Variants in H2BC17 observed in about 807,000 individuals in gnomAD.
The protein encoded by H2BC17 is H2B clustered histone 17, also known as histone H2B type 1-O.
A neutral mutation model predicts 6.1 loss-of-function variants in H2BC17; 11 were observed. The observed-to-expected ratio is 1.79, with a 90% CI of 1.13 to 2.97. The LOEUF is 2.97. Among genes scored for constraint, H2BC17 ranks in the 30% most tolerant of loss-of-function variants. The probability of loss-of-function intolerance (pLI) is 0.00; values close to 1 mark genes in which losing one functional copy is unlikely to be tolerated. For missense variants in H2BC17, 171 were observed against 171.6 expected, an observed-to-expected ratio of 1.00 and a Z score of 0.02; for synonymous variants, 103 against 74.5, an observed-to-expected ratio of 1.38 and a Z score of -1.97.
chr6:27,893,491 C>G lies in H2BC17; in HGVS notation c.29C>G (p.Ala10Gly). Residue 10 changes from alanine to glycine, a missense_variant, in exon 1 of 1, where the codon GCC (alanine) becomes GGC (glycine). Coordinates refer to ENST00000616182, the MANE Select transcript of H2BC17 (RefSeq NM_003527.4). MPDPAKSAP[A>G]PKKGSKKAVT... ...CCCGACCCGGCTAAATCTGCTCCTG[C>G]CCCCAAAAAGGGCTCCAAGAAAGCC... 2 of 1,611,168 alleles carry G rather than the reference C, an allele frequency of 1.2e-6. No individual in the cohort carries two copies. The highest frequency in any genetic ancestry group is 1.7e-5 in the Admixed American group (1 of 59,590).
rs756660759 is a variant in H2BC17 at position 27,893,767 on chromosome 6, T to C, written c.305T>C (p.Leu102Pro). ...GAGATCCAGACGGCCGTGCGCCTGC[T>C]GCTGCCCGGGGAGCTGGCCAAGCAC... ...SREIQTAVRL[L>P]LPGELAKHAV... Residue 102 changes from leucine to proline, a missense_variant, in exon 1 of 1, where the codon CTG becomes CCG. Leu to Pro is a moderately conservative substitution (Grantham distance 98). Coordinates refer to ENST00000616182, the MANE Select transcript of H2BC17 (RefSeq NM_003527.4). 1.2e-6 allele frequency: 2 copies of C among 1,614,250 alleles called. No individual in the cohort carries two copies. Among genetic ancestry groups the C allele is most frequent in the East Asian group, 4.5e-5 (2 of 44,886 alleles).
In H2BC17 at chr6:27,893,606, A is replaced by G. The variant is rs765125025; in HGVS notation, c.144A>G (p.Gln48=). The change falls in exon 1 of 1, where the codon CAA becomes CAG. Residue 48 remains glutamine, a synonymous_variant. Coordinates refer to ENST00000616182, the MANE Select transcript of H2BC17 (RefSeq NM_003527.4). ...YSIYVYKVLK[Q]VHPDTGISSK... The stretch of plus-strand genomic sequence containing the variant: ...TCTACGTGTACAAGGTGCTGAAGCA[A>G]GTCCACCCCGACACCGGCATCTCAT... The G allele has an allele frequency of 6.2e-7, 1 of 1,614,114 alleles. No individual in the cohort carries two copies. The highest frequency in any genetic ancestry group is 8.5e-7 in the Non-Finnish European group (1 of 1,180,046).
rs567295334 is a variant in H2BC17, at chr6:27,893,461, C to T, written c.-2C>T. On this transcript the variant is annotated 5_prime_UTR_variant, in exon 1 of 1. Coordinates refer to ENST00000616182, the MANE Select transcript of H2BC17 (RefSeq NM_003527.4). ...TTGAGTGCTCTTTCACTCTCCTCCG[C>T]CATGCCCGACCCGGCTAAATCTGCT... 2 of 1,599,198 alleles carry T rather than the reference C, an allele frequency of 1.3e-6. No individual in the cohort carries two copies. Among genetic ancestry groups the T allele is most frequent in the Admixed American group, 1.7e-5 (1 of 58,004 alleles).
At position 27,893,617 on chromosome 6, in the gene H2BC17, A is replaced by T; in HGVS notation, c.155A>T (p.Asp52Val). 6.2e-7 allele frequency: 1 copy of T among 1,614,228 alleles called. No homozygotes were observed. Among genetic ancestry groups the T allele is most frequent in the African/African-American group, 1.3e-5 (1 of 75,054 alleles). The change falls in exon 1 of 1, where the codon GAC becomes GTC. Residue 52 changes from aspartate to valine, a missense_variant. Asp to Val is a radical substitution (Grantham distance 152). Transcript: ENST00000616182. ...AAGGTGCTGAAGCAAGTCCACCCCG[A>T]CACCGGCATCTCATCGAAGGCCATG... is the stretch of plus-strand genomic sequence containing the variant. ...VYKVLKQVHPDTGISSKAMGI... is the reference protein window; with the variant it reads ...VYKVLKQVHPVTGISSKAMGI...
Position 27,893,757 on chromosome 6 carries a change from G to A in H2BC17, c.295G>A (p.Val99Met). ...TITSREIQTA[V>M]RLLLPGELAK... ...CACCTCCAGGGAGATCCAGACGGCC[G>A]TGCGCCTGCTGCTGCCCGGGGAGCT... Residue 99 changes from valine to methionine, a missense_variant, in exon 1 of 1, where the codon GTG (valine) becomes ATG (methionine). Transcript: ENST00000616182. 6.2e-7 allele frequency: 1 copy of A among 1,614,258 alleles called. No homozygotes were observed. The highest frequency in any genetic ancestry group is 1.1e-5 in the South Asian group (1 of 91,092).
Position 27,893,781 on chromosome 6 carries a change from C to G in H2BC17, c.319C>G (p.Leu107Val), listed in dbSNP as rs565479130. 4.3e-6 allele frequency: 7 copies of G among 1,614,242 alleles called. No homozygotes were observed. In the East Asian group the frequency reaches 6.7e-5, roughly 15 times the overall value. ...CGTGCGCCTGCTGCTGCCCGGGGAG[C>G]TGGCCAAGCACGCCGTGTCCGAGGG... ...TAVRLLLPGE[L>V]AKHAVSEGTK... The change falls in exon 1 of 1, where the codon CTG becomes GTG. Residue 107 changes from leucine to valine, a missense_variant. By Grantham distance (32) the Leu-to-Val change is conservative. Coordinates refer to ENST00000616182, the MANE Select transcript of H2BC17 (RefSeq NM_003527.4).
Position 27,893,577 on chromosome 6 carries a change from TC to T in H2BC17, c.116del (p.Ser39LeufsTer8). ...KRKRSRKESY[S>X]IYVYKVLKQV... is the part of the protein sequence containing the mutation. ...CAAGCGCAGCCGCAAAGAGAGTTAC[TC>T]TATCTACGTGTACAAGGTGCTGAAG... On this transcript the variant is annotated frameshift_variant, in exon 1 of 1. Transcript: ENST00000616182. LOFTEE classifies it high-confidence loss of function. 6.2e-7 allele frequency: 1 copy of T among 1,613,466 alleles called. No homozygotes were observed. The highest frequency in any genetic ancestry group is 1.3e-5 in the African/African-American group (1 of 75,032).
In H2BC17 at chr6:27,893,503, G is replaced by T. The variant is rs1271200725; in HGVS notation, c.41G>T (p.Gly14Val). 2 of 1,612,880 alleles carry T rather than the reference G, an allele frequency of 1.2e-6. No individual in the cohort carries two copies. The highest frequency in any genetic ancestry group is 3.3e-5 in the Admixed American group (2 of 59,780). ...AAATCTGCTCCTGCCCCCAAAAAGG[G>T]CTCCAAGAAAGCCGTAACCAAGGCC... Reference protein sequence around the residue: ...PAKSAPAPKKGSKKAVTKAQK... With the variant: ...PAKSAPAPKKVSKKAVTKAQK... The change falls in exon 1 of 1, where the codon GGC becomes GTC. Residue 14 changes from glycine to valine, a missense_variant. By Grantham distance (109) the Gly-to-Val change is moderately radical. Transcript: ENST00000616182.
In H2BC17 at chr6:27,893,488, C is replaced by T. The variant is rs1761937839; in HGVS notation, c.26C>T (p.Pro9Leu). Residue 9 changes from proline (P) to leucine (L), a missense_variant, in exon 1 of 1, where the codon CCT becomes CTT. Coordinates refer to ENST00000616182, the MANE Select transcript of H2BC17 (RefSeq NM_003527.4). ...ATGCCCGACCCGGCTAAATCTGCTC[C>T]TGCCCCCAAAAAGGGCTCCAAGAAA... MPDPAKSA[P>L]APKKGSKKAV... 1.9e-6 allele frequency: 3 copies of T among 1,611,156 alleles called. No homozygotes were observed. The highest frequency in any genetic ancestry group is 1.7e-4 in the Middle Eastern group (1 of 6,044).
Position 27,893,844 on chromosome 6 carries a change from GCT to G in H2BC17, c.*5_*6del, listed in dbSNP as rs745976209. ...CACCAAGTACACCAGCTCCAAGTGA[GCT>G]CTCGCAGCTGCCAGCAATCCAAAGG... On this transcript the variant is annotated 3_prime_UTR_variant, in exon 1 of 1. Transcript: ENST00000616182. The G allele has an allele frequency of 3.7e-6, 6 of 1,614,186 alleles. No homozygotes were observed. The highest frequency in any genetic ancestry group is 5.1e-6 in the Non-Finnish European group (6 of 1,180,036).
At position 27,893,557 on chromosome 6, in the gene H2BC17, G is replaced by A. The variant is rs1346111230; in HGVS notation, c.95G>A (p.Arg32His). The change falls in exon 1 of 1, where the codon CGC becomes CAC. Residue 32 changes from arginine (R) to histidine (H), a missense_variant. Coordinates refer to ENST00000616182, the MANE Select transcript of H2BC17 (RefSeq NM_003527.4). The stretch of plus-strand genomic sequence containing the variant: ...AAAAAGGACGGCAAGAAGCGCAAGC[G>A]CAGCCGCAAAGAGAGTTACTCTATC... ...AQKKDGKKRKRSRKESYSIYV... is the reference protein window; with the variant it reads ...AQKKDGKKRKHSRKESYSIYV... 6.2e-7 allele frequency: 1 copy of A among 1,614,238 alleles called. No individual in the cohort carries two copies. The highest frequency in any genetic ancestry group is 8.5e-7 in the Non-Finnish European group (1 of 1,180,048).
chr6:27,893,836 CCAAGT>C lies in H2BC17; in HGVS notation c.375_379del (p.Lys126SerfsTer?), dbSNP rs757259552. Reference sequence around the variant, plus strand: ...AAGGCCGTCACCAAGTACACCAGCTCCAAGTGAGCTCTCGCAGCTGCCAGCAATCC... The same window carrying C: ...AAGGCCGTCACCAAGTACACCAGCTCGAGCTCTCGCAGCTGCCAGCAATCC... On this transcript the variant is annotated frameshift_variant and stop_lost, in exon 1 of 1. Transcript: ENST00000616182. LOFTEE classifies it high-confidence loss of function. 6.2e-7 allele frequency: 1 copy of C among 1,614,246 alleles called. No individual in the cohort carries two copies. The highest frequency in any genetic ancestry group is 8.5e-7 in the Non-Finnish European group (1 of 1,180,044).
chr6:27,893,745 A>T lies in H2BC17; in HGVS notation c.283A>T (p.Ile95Phe), dbSNP rs1581496937. 2 of 1,614,134 alleles carry T rather than the reference A, an allele frequency of 1.2e-6. No homozygotes were observed. Among genetic ancestry groups the T allele is most frequent in the African/African-American group, 2.7e-5 (2 of 74,948 alleles). Residue 95 changes from isoleucine (I) to phenylalanine (F), a missense_variant, in exon 1 of 1, where the codon ATC (isoleucine) becomes TTC (phenylalanine). Coordinates refer to ENST00000616182, the MANE Select transcript of H2BC17 (RefSeq NM_003527.4). ...GCGCTCGACCATCACCTCCAGGGAG[A>T]TCCAGACGGCCGTGCGCCTGCTGCT... ...NKRSTITSRE[I>F]QTAVRLLLPG...
Position 27,893,876 on chromosome 6 carries a change from T to G in H2BC17, c.*33T>G, listed in dbSNP as rs567006033. 6.2e-7 allele frequency: 1 copy of G among 1,613,210 alleles called. No homozygotes were observed. The highest frequency in any genetic ancestry group is 1.3e-5 in the African/African-American group (1 of 74,948). On this transcript the variant is annotated 3_prime_UTR_variant, in exon 1 of 1. Coordinates refer to ENST00000616182, the MANE Select transcript of H2BC17 (RefSeq NM_003527.4). ...CAGCTGCCAGCAATCCAAAGGCTCT[T>G]TTCAGAGCCACTCACGCTTCCAGAG...
chr6:27,893,435 T>C lies in H2BC17; in HGVS notation c.-28T>C, dbSNP rs1467403451. The stretch of plus-strand genomic sequence containing the variant: ...ACCCAGCTTGTCCTCATTCTTGTTA[T>C]TTGAGTGCTCTTTCACTCTCCTCCG... On this transcript the variant is annotated 5_prime_UTR_variant, in exon 1 of 1. Transcript: ENST00000616182. The C allele has an allele frequency of 3.8e-6, 6 of 1,564,972 alleles. No homozygotes were observed. Among genetic ancestry groups the C allele is most frequent in the African/African-American group, 2.7e-5 (2 of 73,084 alleles).
In H2BC17 at chr6:27,893,604, C is replaced by T. The variant is rs759330595; in HGVS notation, c.142C>T (p.Gln48Ter). 5 of 1,614,262 alleles carry T rather than the reference C, an allele frequency of 3.1e-6. No individual in the cohort carries two copies. The highest frequency in any genetic ancestry group is 1.7e-5 in the Admixed American group (1 of 60,038). Reference sequence around the variant, plus strand: ...TATCTACGTGTACAAGGTGCTGAAGCAAGTCCACCCCGACACCGGCATCTC... The same window carrying T: ...TATCTACGTGTACAAGGTGCTGAAGTAAGTCCACCCCGACACCGGCATCTC... ...YSIYVYKVLK[Q>*]VHPDTGISSK... Residue 48 changes from glutamine to a stop codon, truncating the protein, a stop_gained, in exon 1 of 1, where the codon CAA becomes TAA. Coordinates refer to ENST00000616182, the MANE Select transcript of H2BC17 (RefSeq NM_003527.4). LOFTEE classifies it high-confidence loss of function.
In H2BC17 at chr6:27,893,690, C is replaced by G; in HGVS notation, c.228C>G (p.Gly76=). The G allele has an allele frequency of 6.2e-7, 1 of 1,614,264 alleles. No homozygotes were observed. The highest frequency in any genetic ancestry group is 8.5e-7 in the Non-Finnish European group (1 of 1,180,044). The change falls in exon 1 of 1, where the codon GGC becomes GGG. Residue 76 remains glycine, a synonymous_variant. Coordinates refer to ENST00000616182, the MANE Select transcript of H2BC17 (RefSeq NM_003527.4). ...FVNDIFERIA[G]EASRLAHYNK... is the part of the protein sequence containing the mutation. ...ATGACATCTTTGAGCGCATCGCTGG[C>G]GAGGCTTCCCGCCTGGCGCATTACA...
rs1761943988 is a variant in H2BC17 at position 27,893,679 on chromosome 6, C to T, written c.217C>T (p.Arg73Cys). ...MNSFVNDIFE[R>C]IAGEASRLAH... ...CTCCTTCGTCAATGACATCTTTGAG[C>T]GCATCGCTGGCGAGGCTTCCCGCCT... The change falls in exon 1 of 1, where the codon CGC becomes TGC. Residue 73 changes from arginine to cysteine, a missense_variant. Transcript: ENST00000616182. 1 of 1,614,254 alleles carries T rather than the reference C, an allele frequency of 6.2e-7. No homozygotes were observed. The highest frequency in any genetic ancestry group is 2.2e-5 in the East Asian group (1 of 44,880).
At position 27,893,474 on chromosome 6, in the gene H2BC17, G is replaced by A. The variant is rs1761937325; in HGVS notation, c.12G>A (p.Pro4=). The A allele has an allele frequency of 2.5e-6, 4 of 1,607,062 alleles. No homozygotes were observed. Among genetic ancestry groups the A allele is most frequent in the East Asian group, 4.5e-5 (2 of 44,854 alleles). The part of the protein sequence containing the change: MPD[P]AKSAPAPKKG... ...CACTCTCCTCCGCCATGCCCGACCC[G>A]GCTAAATCTGCTCCTGCCCCCAAAA... The change falls in exon 1 of 1, where the codon CCG becomes CCA. Residue 4 remains proline (P), a synonymous_variant. Coordinates refer to ENST00000616182, the MANE Select transcript of H2BC17 (RefSeq NM_003527.4).
Sources: allele counts gnomAD v4.1 joint callset, GRCh38; gene constraint gnomAD v4.1.1; transcripts MANE v1.5; gene names NCBI Gene and HGNC (gene_info 2026-07-23, HGNC 2026-07-21).